The following GLDC variants were observed in gnomAD, a reference collection of about 807,000 sequenced individuals.
GLDC encodes glycine dehydrogenase (decarboxylating), mitochondrial.
A neutral mutation model predicts 121.3 loss-of-function variants in GLDC; 104 were observed. The ratio of observed to expected loss-of-function variants is 0.86; its 90% confidence interval spans 0.73 to 1.01. The LOEUF is 1.01. Among genes scored for constraint, GLDC ranks in the 50% least tolerant of loss-of-function variants. GLDC has a pLI of 0.00. For missense variants in GLDC, 1,429 were observed against 1,306.6 expected (o/e 1.09, Z -1.44); for synonymous variants, 546 against 480.6 (o/e 1.14, Z -1.78).
intron 14 of GLDC, 109 bp downstream of exon 14, chr9:6,588,292 C>T (rs78601535): frequency 1.2e-6 from 1 of 825,828 alleles, no homozygotes; most frequent in Non-Finnish European, 2.2e-6. Flanking sequence ...TAAAATAGTT[C>T]TTCAATCACA....
intron 2 of GLDC, among the ~76,000 whole-genome samples, chr9:6,630,864 C>G (rs116217696): frequency 0.03 from 4,590 of 152,282 alleles, 205 homozygotes; most frequent in African/African-American, 0.095. Flanking sequence ...TTCTCTCCCC[C>G]ATAGCCACCT....
intron 1 of GLDC, 63 bp downstream of exon 1, chr9:6,645,182 C>T: frequency 6.8e-7 from 1 of 1,469,076 alleles, no homozygotes. Context: ...GCCGGGAGGC[C>T]GCGCAGGCAG....
intron 2 of GLDC, among the ~76,000 whole-genome samples, chr9:6,622,073 T>C (rs1180150244): frequency 6.6e-6 from 1 of 152,064 alleles, no homozygotes; most frequent in Non-Finnish European, 1.5e-5. Flanking sequence ...AACATTGTTT[T>C]AACCCTATTG....
At chr9:6,552,171 G>A (rs1428578664) in intron 20 of GLDC, among the ~76,000 whole-genome samples, 2 of 152,180 alleles carry the variant, frequency 1.3e-5, no homozygotes, top group Non-Finnish European at 2.9e-5. Context: ...CAGGGGATAA[G>A]TAATAACAGC....
chr9:6,613,730 C>G (rs1818908439), intron 3 of GLDC, among the ~76,000 whole-genome samples: 1 of 152,096 alleles, frequency 6.6e-6, no homozygotes, highest in African/African-American at 2.4e-5. Flanking sequence ...TCTAAGGATA[C>G]ATTCTTAGAA....
At chr9:6,597,943 A>AG (rs911892918) in intron 8 of GLDC, among the ~76,000 whole-genome samples, 10 of 152,176 alleles carry the variant, frequency 6.6e-5, no homozygotes, top group Non-Finnish European at 1.2e-4. Flanking sequence ...CAAAAAAAAA[A>AG]GAAATAAGAG....
At chr9:6,629,595 T>C (rs1017900730) in intron 2 of GLDC, among the ~76,000 whole-genome samples, 3 of 135,504 alleles carry the variant, frequency 2.2e-5, no homozygotes, top group African/African-American at 9.1e-5. Flanking sequence ...TGAGTCAAGA[T>C]ACCTGCTACA....
chr9:6,532,792 A>G lies in GLDC; in HGVS notation c.*225T>C, dbSNP rs1817027343. 1 of 539,312 alleles carries G rather than the reference A, an allele frequency of 1.9e-6. No individual in the cohort carries two copies. The highest frequency in any genetic ancestry group is 3.3e-5 in the East Asian group (1 of 30,704). 33.4% of individuals were successfully genotyped at this position (539,312 alleles called of 1,614,324 possible). A position where few individuals can be genotyped will look rare whatever the true frequency, so the allele number is the denominator to read the frequency against. Reference sequence around the variant, plus strand: ...CACAAAATGGCTCCCAATCCAGGCAACTGGCACATGTGGAAGCAGAATACC... The same window carrying G: ...CACAAAATGGCTCCCAATCCAGGCAGCTGGCACATGTGGAAGCAGAATACC... On this transcript the variant is annotated 3_prime_UTR_variant, in exon 25 of 25. Transcript: ENST00000321612.
intron 2 of GLDC, among the ~76,000 whole-genome samples, chr9:6,633,821 CTTTTTTTTTTTTTT>C (rs1156711956): frequency 1.9e-4 from 17 of 89,458 alleles, no homozygotes; most frequent in South Asian, 4.2e-4. Context: ...GCAGGAGAAT[CTTTTTTTTTTTTTT>C]TTTTTTTTTT....
In GLDC at chr9:6,533,120, G is replaced by C. The variant is rs925268812; in HGVS notation, c.2960C>G (p.Ala987Gly). Residue 987 changes from alanine (A) to glycine (G), a missense_variant, in exon 25 of 25, where the codon GCC (alanine) becomes GGC (glycine). Ala to Gly is a moderately conservative substitution (Grantham distance 60, BLOSUM62 0). Transcript: ENST00000321612. ...ATCTCCATATATGTCATCAATCCGG[G>C]CAATCGTTGGCCAGAATTTGTTCTC... The part of the protein sequence containing the change: ...KPENKFWPTI[A>G]RIDDIYGDQH... 6.2e-7 allele frequency: 1 copy of C among 1,612,224 alleles called. No homozygotes were observed. The highest frequency in any genetic ancestry group is 2.2e-5 in the East Asian group (1 of 44,878).
chr9:6,566,575 G>C (rs182166015), intron 15 of GLDC: 6 of 152,290 alleles, frequency 3.9e-5, no homozygotes, highest in African/African-American at 1.4e-4. Context: ...CAACGGTCCT[G>C]GAAGGCACCA....
In GLDC at chr9:6,620,007, C is replaced by T. The variant is rs114125810; in HGVS notation, c.470+177G>A. On this transcript the variant is annotated intron_variant, in intron 3 of 24. Transcript: ENST00000321612. ...TGGGAAGAAACTTCTATTTCCTCAA[C>T]ATTTGAGCAAGAACATTTCTCGATC... Among the ~76,000 whole-genome samples, 4,654 of 152,292 alleles carry T rather than the reference C, an allele frequency of 0.031. 236 individuals are homozygous for T. The highest frequency in any genetic ancestry group is 0.11 in the African/African-American group (4,414 of 41,536).
chr9:6,619,145 G>GAAAA (rs1563864174), intron 3 of GLDC, among the ~76,000 whole-genome samples: 8 of 30,210 alleles, frequency 2.6e-4, no homozygotes, highest in African/African-American at 1.1e-3. Context: ...TCTGTCTCAG[G>GAAAA]CAAAAAAAAA....
chr9:6,639,359 A>C (rs1447409911), intron 2 of GLDC: 31 of 939,448 alleles, frequency 3.3e-5, no homozygotes, highest in Non-Finnish European at 4.1e-5. Context: ...AAGCTTGACC[A>C]CTATGCTATC....
Position 6,556,145 on chromosome 9 carries a change from G to A in GLDC, c.2202+8C>T. The A allele has an allele frequency of 6.2e-7, 1 of 1,609,454 alleles. No homozygotes were observed. On this transcript the variant is annotated splice_region_variant and intron_variant, in intron 18 of 24. Coordinates refer to ENST00000321612, the MANE Select transcript of GLDC (RefSeq NM_000170.3). ...TGGGAACTAAGGGCGGGCCTCTTCA[G>A]TTCCCACCTGAGCATTCATATTTGC...
At chr9:6,590,079 G>C (rs969243605) in intron 11 of GLDC, among the ~76,000 whole-genome samples, 1 of 151,764 alleles carries the variant, frequency 6.6e-6, no homozygotes, top group Non-Finnish European at 1.5e-5. Context: ...AAATATAGGG[G>C]CTAATCTGCA....
At chr9:6,541,860 A>G (rs1322004294) in intron 21 of GLDC, 4 of 130,962 alleles carry the variant, frequency 3.1e-5, no homozygotes, top group Non-Finnish European at 4.9e-5. Flanking sequence ...GTTTGAAAAT[A>G]AAACTATAAA....
intron 21 of GLDC, among the ~76,000 whole-genome samples, chr9:6,546,828 G>A (rs1817402297): frequency 6.6e-6 from 1 of 152,008 alleles, no homozygotes; most frequent in South Asian, 2.1e-4. Context: ...CAAGCGTGGT[G>A]ATGAACACCT....
intron 3 of GLDC, among the ~76,000 whole-genome samples, chr9:6,615,975 T>C (rs966793185): frequency 1.3e-5 from 2 of 152,232 alleles, no homozygotes; most frequent in East Asian, 1.9e-4. Context: ...CAGGCTGGAG[T>C]GCAGTGGCTG....
Sources: gnomAD v4.1 joint callset for allele counts (sites outside exome capture counted in the v4.1 genomes callset) on GRCh38, gnomAD v4.1.1 for gene constraint, MANE v1.5 for transcripts, NCBI Gene and HGNC (gene_info 2026-07-23, HGNC 2026-07-21) for gene names.